BMP15: variants seen among roughly 807,000 people sequenced by gnomAD.
BMP15 encodes the protein bone morphogenetic protein 15, also known as growth/differentiation factor 9B.
A neutral mutation model predicts 4.4 loss-of-function variants in BMP15; 5 were observed. That is an observed-to-expected ratio of 1.13 (90% CI 0.59 to 2.38). The LOEUF is 2.38. Ranked by LOEUF, BMP15 falls within the 30% of genes most tolerant of loss-of-function variation. The pLI, the probability that BMP15 is intolerant of heterozygous loss-of-function variation, is 0.01. For missense variants in BMP15, 339 were observed against 309.8 expected, an observed-to-expected ratio of 1.09 and a Z score of -0.71; for synonymous variants, 125 against 114.6, an observed-to-expected ratio of 1.09 and a Z score of -0.58.
intron 1 of BMP15, among the ~76,000 whole-genome samples, chrX:50,912,952 G>A (rs1187181741): frequency 9.0e-6 from 1 of 111,688 alleles, no homozygotes; most frequent in African/African-American, 3.3e-5. Context: ...AACTAGGCAT[G>A]AGAAGAGTAG....
intron 1 of BMP15, among the ~76,000 whole-genome samples, chrX:50,913,656 C>T (rs1923060270): frequency 1.8e-5 from 2 of 110,870 alleles, no homozygotes; most frequent in South Asian, 3.9e-4. Context: ...TCAGCCCTTT[C>T]CCTGAAAAGC....
Position 50,913,737 on chromosome X carries a change from G to T in BMP15, c.329-2020G>T, listed in dbSNP as rs1451645917. On this transcript the variant is annotated intron_variant, in intron 1 of 1. Coordinates refer to ENST00000252677, the MANE Select transcript of BMP15 (RefSeq NM_005448.2). ...GCTTCAGGAAACATGTGATGTCAAG[G>T]TCTCAAAGAAAAGGGCAGTTCCTCC... Among the ~76,000 whole-genome samples the T allele has an allele frequency of 3.6e-5, 4 of 110,772 alleles. No homozygotes were observed. The Admixed American group carries it at 3.8e-4, about 11-fold the overall frequency.
rs1557279868 is a variant in BMP15 at position 50,910,797 on chromosome X, G to C, written c.14G>C (p.Ser5Thr). The change falls in exon 1 of 2, where the codon AGT becomes ACT. Residue 5 changes from serine to threonine, a missense_variant. Ser to Thr is a moderately conservative substitution (Grantham distance 58). Transcript: ENST00000252677. ...AAGCCTTTCAAGATGGTCCTCCTCA[G>C]TATTCTTAGAATTCTTTTTCTTTGT... is the stretch of plus-strand genomic sequence containing the variant. MVLL[S>T]ILRILFLCEL... 8.3e-7 allele frequency: 1 copy of C among 1,206,214 alleles called. No individual in the cohort carries two copies. The highest frequency in any genetic ancestry group is 1.1e-6 in the Non-Finnish European group (1 of 892,958).
rs782592138 is a variant in BMP15 at position 50,910,913 on chromosome X, CT to C, written c.131del (p.Leu44ArgfsTer6). 1 of 1,199,478 alleles carries C rather than the reference CT, an allele frequency of 8.3e-7. No homozygotes were observed. The highest frequency in any genetic ancestry group is 1.1e-6 in the Non-Finnish European group (1 of 888,910). On this transcript the variant is annotated frameshift_variant, in exon 1 of 2. Coordinates refer to ENST00000252677, the MANE Select transcript of BMP15 (RefSeq NM_005448.2). LOFTEE classifies it high-confidence loss of function. ...ALLAEAPTLP[L>X]IEELLEESPG... is the part of the protein sequence containing the mutation. ...TCTGGCTGAGGCCCCTACTTTGCCC[CT>C]GATTGAGGAGCTGCTAGAAGAATCC...
intron 1 of BMP15, among the ~76,000 whole-genome samples, chrX:50,915,300 C>T (rs1923102207): frequency 9.0e-6 from 1 of 111,635 alleles, no homozygotes; most frequent in Admixed American, 9.5e-5. Context: ...TCTAAATGGA[C>T]ACATTTAATG....
chrX:50,913,033 T>C (rs1601952926), intron 1 of BMP15, among the ~76,000 whole-genome samples: 2 of 111,158 alleles, frequency 1.8e-5, no homozygotes, highest in Non-Finnish European at 3.8e-5. Context: ...TTGGTTCCAA[T>C]TGAAGAACAG....
In BMP15 at chrX:50,914,216, C is replaced by T. The variant is rs782011930; in HGVS notation, c.329-1541C>T. Among the ~76,000 whole-genome samples, 367 of 111,989 alleles carry T rather than the reference C, an allele frequency of 3.3e-3. 2 individuals carry two copies. The highest frequency in any genetic ancestry group is 5.2e-3 in the Non-Finnish European group (274 of 53,114). ...CAAACTCCTGACCTCAGGTGATCCG[C>T]CCGCCTCAGACTCCCAAAGTGCTGG... On this transcript the variant is annotated intron_variant, in intron 1 of 1. Coordinates refer to ENST00000252677, the MANE Select transcript of BMP15 (RefSeq NM_005448.2).
In BMP15 at chrX:50,916,485, C is replaced by T; in HGVS notation, c.1057C>T (p.Pro353Ser). 1 of 1,211,152 alleles carries T rather than the reference C, an allele frequency of 8.3e-7. No individual in the cohort carries two copies. Among genetic ancestry groups the T allele is most frequent in the Non-Finnish European group, 1.1e-6 (1 of 895,419 alleles). ...LINQLVDQSV[P>S]RPSCVPYKYV... ...CAATCAGTTGGTGGACCAGAGTGTC[C>T]CCCGGCCCTCCTGTGTCCCGTATAA... The change falls in exon 2 of 2, where the codon CCC (proline) becomes TCC (serine). Residue 353 changes from proline to serine, a missense_variant. Transcript: ENST00000252677.
chrX:50,916,139 T>C lies in BMP15; in HGVS notation c.711T>C (p.Asn237=). Residue 237 remains asparagine (N), a synonymous_variant, in exon 2 of 2, where the codon AAT becomes AAC. Transcript: ENST00000252677. ...TTGCCTTCTTGTTACTCTATTTCAA[T>C]GATACTCATAAAAGCATTCGGAAGG... ...LDIAFLLLYF[N]DTHKSIRKAK... The C allele has an allele frequency of 8.3e-7, 1 of 1,211,758 alleles. No homozygotes were observed. The highest frequency in any genetic ancestry group is 1.1e-6 in the Non-Finnish European group (1 of 895,564).
intron 1 of BMP15, 44 bp downstream of exon 1, chrX:50,911,155 G>A: frequency 8.8e-7 from 1 of 1,132,501 alleles, no homozygotes; most frequent in Non-Finnish European, 1.2e-6. Flanking sequence ...GGAGAGAAGT[G>A]GAGAGGAGTG....
Position 50,915,875 on chromosome X carries a change from C to T in BMP15, c.447C>T (p.Ser149=). The T allele has an allele frequency of 8.3e-7, 1 of 1,211,652 alleles. No homozygotes were observed. The highest frequency in any genetic ancestry group is 1.1e-6 in the Non-Finnish European group (1 of 895,464). The change falls in exon 2 of 2, where the codon TCC becomes TCT. Residue 149 remains serine, a synonymous_variant. Coordinates refer to ENST00000252677, the MANE Select transcript of BMP15 (RefSeq NM_005448.2). ...TCCAACTAACTCGCTTCAATCTCTC[C>T]TGCCATGTGGAGCCCTGGGTGCAGA... ...HHLQLTRFNL[S]CHVEPWVQKN...
chrX:50,913,803 GCCAGGGTGGA>G, intron 1 of BMP15, among the ~76,000 whole-genome samples: 1 of 111,033 alleles, frequency 9.0e-6, no homozygotes, highest in Non-Finnish European at 1.9e-5. Flanking sequence ...TTCCTTTATA[GCCAGGGTGGA>G]GCAGGTTTAA....
chrX:50,911,539 G>T (rs1557279985), intron 1 of BMP15, among the ~76,000 whole-genome samples: 1 of 112,112 alleles, frequency 8.9e-6, no homozygotes, highest in Non-Finnish European at 1.9e-5. Context: ...ACATAAATAA[G>T]CTTACATCTG....
At position 50,915,837 on chromosome X, in the gene BMP15, T is replaced by A. The variant is rs151186104; in HGVS notation, c.409T>A (p.Tyr137Asn). The A allele has an allele frequency of 3.1e-5, 37 of 1,209,607 alleles. No homozygotes were observed. The African/African-American group carries it at 6.3e-4, about 21-fold the overall frequency. ...LYQLVRATVV[Y>N]RHHLQLTRFN... ...CCAACTAGTTAGAGCCACTGTGGTTTACCGCCATCATCTCCAACTAACTCG... is the reference window on the plus strand; with the variant it reads ...CCAACTAGTTAGAGCCACTGTGGTTAACCGCCATCATCTCCAACTAACTCG... Residue 137 changes from tyrosine to asparagine, a missense_variant, in exon 2 of 2, where the codon TAC (tyrosine) becomes AAC (asparagine). Transcript: ENST00000252677.
intron 1 of BMP15, among the ~76,000 whole-genome samples, chrX:50,911,329 C>G (rs782234213): frequency 1.8e-5 from 2 of 113,034 alleles, no homozygotes; most frequent in Non-Finnish European, 3.7e-5. Context: ...TTGGTGCCTA[C>G]TGAGAAATCT....
At position 50,910,738 on chromosome X, in the gene BMP15, C is replaced by T; in HGVS notation, c.-46C>T. On this transcript the variant is annotated 5_prime_UTR_variant, in exon 1 of 2. Transcript: ENST00000252677. ...AAAGGAAATGGTCAGAGTGACGTCC[C>T]TTGGGCTTGTGTTGGGGCCTGTTGT... 4.5e-6 allele frequency: 5 copies of T among 1,117,396 alleles called. No homozygotes were observed. The highest frequency in any genetic ancestry group is 4.9e-6 in the Non-Finnish European group (4 of 817,640). The allele number at this position is 1,117,396 out of a possible 1,213,427, so 92.1% of individuals were successfully genotyped here.
intron 1 of BMP15, among the ~76,000 whole-genome samples, chrX:50,911,656 G>A (rs1469970501): frequency 9.0e-6 from 1 of 111,660 alleles, no homozygotes; most frequent in South Asian, 3.8e-4. Context: ...ACTAAGGCAC[G>A]GAGAGGTTAA....
In BMP15 at chrX:50,915,871, T is replaced by C. The variant is rs114823607; in HGVS notation, c.443T>C (p.Leu148Pro). 2,136 of 1,208,918 alleles carry C rather than the reference T, an allele frequency of 1.8e-3. 14 individuals are homozygous for C. In the African/African-American group the frequency reaches 0.025, roughly 14 times the overall value. The part of the protein sequence containing the change: ...RHHLQLTRFN[L>P]SCHVEPWVQK... The stretch of plus-strand genomic sequence containing the variant: ...CATCTCCAACTAACTCGCTTCAATC[T>C]CTCCTGCCATGTGGAGCCCTGGGTG... Residue 148 changes from leucine (L) to proline (P), a missense_variant, in exon 2 of 2, where the codon CTC (leucine) becomes CCC (proline). Leu to Pro is a moderately conservative substitution (Grantham distance 98). Coordinates refer to ENST00000252677, the MANE Select transcript of BMP15 (RefSeq NM_005448.2).
chrX:50,913,258 C>T (rs1248467120), intron 1 of BMP15, among the ~76,000 whole-genome samples: 1 of 111,001 alleles, frequency 9.0e-6, no homozygotes, highest in East Asian at 2.9e-4. Context: ...GGAGACATGT[C>T]TCTACAAAAA....
Sources: gnomAD v4.1 joint callset for allele counts (sites outside exome capture counted in the v4.1 genomes callset) on GRCh38, gnomAD v4.1.1 for gene constraint, MANE v1.5 for transcripts, NCBI Gene and HGNC (gene_info 2026-07-23, HGNC 2026-07-21) for gene names.